LHFPL3: variants seen among roughly 807,000 people sequenced by gnomAD.
LHFPL3 encodes the protein LHFPL tetraspan subfamily member 3 protein.
LHFPL3 carries 5 observed loss-of-function variants against 19.3 expected under a neutral mutation model. The ratio of observed to expected loss-of-function variants is 0.26; its 90% confidence interval spans 0.14 to 0.54. LHFPL3 has a LOEUF of 0.54. Among genes scored for constraint, LHFPL3 ranks in the 20% least tolerant of loss-of-function variants. The pLI is 0.94. For synonymous variants in LHFPL3, 133 were observed against 126.2 expected (o/e 1.05, Z -0.36); for missense variants, 249 against 307.4 (o/e 0.81, Z 1.42).
chr7:104,558,776 T>A (rs373796148), intron 1 of LHFPL3, among the ~76,000 whole-genome samples: 4,251 of 135,076 alleles, frequency 0.031, 134 homozygotes, highest in African/African-American at 0.099. Context: ...CTGAATGGTA[T>A]TGCCTAGGTT....
intron 2 of LHFPL3, chr7:104,896,048 C>T (rs528461136): frequency 1.3e-5 from 2 of 152,310 alleles, no homozygotes; most frequent in South Asian, 4.1e-4. Flanking sequence ...AGCATGCGCA[C>T]CTGGTATTTC....
chr7:104,495,614 A>C (rs542369057), intron 1 of LHFPL3, among the ~76,000 whole-genome samples: 4 of 152,092 alleles, frequency 2.6e-5, no homozygotes, highest in Non-Finnish European at 5.9e-5. Flanking sequence ...CCATCTCCTG[A>C]CCTCATGATC....
In LHFPL3 at chr7:104,614,653, C is replaced by CTTCTCTCCTTCCTTCCTTCCTTCCT. The variant is rs1554415305; in HGVS notation, c.446-122021_446-122020insTCTCTCCTTCCTTCCTTCCTTCCTT. 5.0e-4 allele frequency among the ~76,000 whole-genome samples: 26 copies of CTTCTCTCCTTCCTTCCTTCCTTCCT among 51,526 alleles called. 2 individuals are homozygous for CTTCTCTCCTTCCTTCCTTCCTTCCT. Among genetic ancestry groups the CTTCTCTCCTTCCTTCCTTCCTTCCT allele is most frequent in the Non-Finnish European group, 6.2e-4 (14 of 22,434 alleles). The allele number at this position is 51,526 out of a possible 152,430, so 33.8% of individuals were successfully genotyped here. On this transcript the variant is annotated intron_variant, in intron 1 of 2. Coordinates refer to ENST00000424859, the MANE Select transcript of LHFPL3 (RefSeq NM_199000.3). ...CTTCTCTTCTCTTCTCTTCTCTTCT[C>CTTCTCTCCTTCCTTCCTTCCTTCCT]TCCTTCCTTCCTTCCTTCCTTCCTT...
At chr7:104,875,053 G>A (rs1791911067) in intron 2 of LHFPL3, among the ~76,000 whole-genome samples, 1 of 151,318 alleles carries the variant, frequency 6.6e-6, no homozygotes, top group East Asian at 1.9e-4. Context: ...TCACTATTTT[G>A]CCCAGGCTGG....
At chr7:104,834,422 C>T (rs1042622111) in intron 2 of LHFPL3, among the ~76,000 whole-genome samples, 6 of 152,032 alleles carry the variant, frequency 3.9e-5, no homozygotes, top group Non-Finnish European at 7.3e-5. Flanking sequence ...TCACTCCCTT[C>T]TGTGTCTCTT....
At chr7:104,612,485 G>A (rs1262270101) in intron 1 of LHFPL3, among the ~76,000 whole-genome samples, 2 of 152,106 alleles carry the variant, frequency 1.3e-5, no homozygotes, top group Non-Finnish European at 2.9e-5. Context: ...AGTGGACTTA[G>A]GAACACCAAA....
intron 1 of LHFPL3, among the ~76,000 whole-genome samples, chr7:104,560,465 C>T (rs1402067943): frequency 6.1e-5 from 9 of 146,418 alleles, no homozygotes; most frequent in African/African-American, 1.0e-4. Flanking sequence ...AGTTTATTTG[C>T]GTAGAGGTGT....
rs75967235 is a variant in LHFPL3, at chr7:104,416,537, G to A, written c.445+87313G>A. 4.5e-3 allele frequency among the ~76,000 whole-genome samples: 678 copies of A among 152,234 alleles called. 10 individuals are homozygous for A. The highest frequency in any genetic ancestry group is 0.015 in the African/African-American group (633 of 41,534). On this transcript the variant is annotated intron_variant, in intron 1 of 2. Transcript: ENST00000424859. ...AAGCATGGCAAAAGTGAATCCTAGG[G>A]CACATGCCCATGTCCTTCCTACAAG... is the stretch of plus-strand genomic sequence containing the variant.
chr7:104,351,597 A>G (rs889498660), intron 1 of LHFPL3, among the ~76,000 whole-genome samples: 17 of 152,362 alleles, frequency 1.1e-4, no homozygotes, highest in Admixed American at 6.5e-4. Context: ...AGACTAAATC[A>G]TAGTTTAAAA....
chr7:104,350,089 A>C (rs972509788), intron 1 of LHFPL3, among the ~76,000 whole-genome samples: 3 of 152,222 alleles, frequency 2.0e-5, no homozygotes, highest in African/African-American at 7.2e-5. Context: ...ATGGAGGCAC[A>C]GAGAGATTAG....
At chr7:104,728,904 G>A (rs554212958) in intron 1 of LHFPL3, among the ~76,000 whole-genome samples, 94 of 152,250 alleles carry the variant, frequency 6.2e-4, no homozygotes, top group Admixed American at 2.3e-3. Context: ...ATGAATGGAT[G>A]AGCCCACTTG....
chr7:104,334,427 A>G (rs1801623374), intron 1 of LHFPL3, among the ~76,000 whole-genome samples: 1 of 152,178 alleles, frequency 6.6e-6, no homozygotes, highest in African/African-American at 2.4e-5. Flanking sequence ...TACACCTGTA[A>G]TCCCAGCTAC....
intron 1 of LHFPL3, among the ~76,000 whole-genome samples, chr7:104,649,152 A>C (rs961465533): frequency 6.6e-6 from 1 of 152,228 alleles, no homozygotes; most frequent in Admixed American, 6.5e-5. Flanking sequence ...AGCAGAATTC[A>C]CTTAATTGCA....
chr7:104,406,891 C>T lies in LHFPL3; in HGVS notation c.445+77667C>T, dbSNP rs201060675. 6.6e-5 allele frequency among the ~76,000 whole-genome samples: 10 copies of T among 152,338 alleles called. No homozygotes were observed. The East Asian group carries it at 1.9e-3, about 29-fold the overall frequency. On this transcript the variant is annotated intron_variant, in intron 1 of 2. Transcript: ENST00000424859. Reference sequence around the variant, plus strand: ...CAGGGTAGCTGCATAGTCTATCTTTCTGGAAACCTGTGTTTAATAACTTAT... The same window carrying T: ...CAGGGTAGCTGCATAGTCTATCTTTTTGGAAACCTGTGTTTAATAACTTAT...
intron 1 of LHFPL3, among the ~76,000 whole-genome samples, chr7:104,612,055 T>C (rs923907542): frequency 6.6e-6 from 1 of 152,230 alleles, no homozygotes; most frequent in African/African-American, 2.4e-5. Flanking sequence ...ACAACTACTC[T>C]TCCATTATTG....
chr7:104,773,844 GC>G (rs149860405), intron 2 of LHFPL3, among the ~76,000 whole-genome samples: 10,961 of 152,288 alleles, frequency 0.072, 452 homozygotes, highest in African/African-American at 0.08. Context: ...TTCCCTTGCA[GC>G]CCTAAGGAGG....
intron 1 of LHFPL3, among the ~76,000 whole-genome samples, chr7:104,512,363 C>G (rs191755822): frequency 6.6e-6 from 1 of 152,214 alleles, no homozygotes; most frequent in East Asian, 1.9e-4. Flanking sequence ...CAGACATCTC[C>G]AAGCACTGGC....
intron 1 of LHFPL3, among the ~76,000 whole-genome samples, chr7:104,713,892 T>G (rs748371646): frequency 1.3e-5 from 2 of 152,088 alleles, no homozygotes; most frequent in Non-Finnish European, 2.9e-5. Context: ...AAAGCAAATC[T>G]CAGGCTCCCT....
intron 1 of LHFPL3, among the ~76,000 whole-genome samples, chr7:104,374,668 C>T (rs560265588): frequency 6.6e-6 from 1 of 152,198 alleles, no homozygotes; most frequent in East Asian, 1.9e-4. Context: ...GTTAGAAACA[C>T]GTGGAACCCT....
Sources: allele counts gnomAD v4.1 joint callset (sites outside exome capture counted in the v4.1 genomes callset), GRCh38; gene constraint gnomAD v4.1.1; transcripts MANE v1.5; gene names NCBI Gene and HGNC (gene_info 2026-07-23, HGNC 2026-07-21).